Variants in PBX3 observed in about 807,000 individuals in gnomAD.
The protein encoded by PBX3 is PBX homeobox 3.
PBX3 carries 14 observed loss-of-function variants against 48.5 expected under a neutral mutation model. That is an observed-to-expected ratio of 0.29 (90% CI 0.19 to 0.45). The LOEUF (loss-of-function observed/expected upper bound fraction) is 0.45, where lower values mean the gene tolerates loss of function less well. Ranked by LOEUF, PBX3 falls within the 20% of genes least tolerant of loss-of-function variation. PBX3 has a pLI of 1.00. For synonymous variants in PBX3, 210 were observed against 200.3 expected (o/e 1.05, Z -0.41); for missense variants, 386 against 546.7 (o/e 0.71, Z 2.93).
intron 2 of PBX3, among the ~76,000 whole-genome samples, chr9:125,894,501 A>G (rs964303858): frequency 4.6e-5 from 7 of 152,104 alleles, no homozygotes; most frequent in Non-Finnish European, 1.0e-4. Context: ...TTGCTCTAGC[A>G]CAAGACTAGT....
chr9:125,922,245 GAAA>G (rs1242837436), intron 3 of PBX3, among the ~76,000 whole-genome samples: 1 of 152,018 alleles, frequency 6.6e-6, no homozygotes, highest in African/African-American at 2.4e-5. Context: ...TTTTTAAGGA[GAAA>G]GGAAAAAATG....
At chr9:125,922,696 A>G (rs544330556) in intron 3 of PBX3, among the ~76,000 whole-genome samples, 2 of 152,324 alleles carry the variant, frequency 1.3e-5, no homozygotes, top group East Asian at 1.9e-4. Context: ...CTTCCAAACA[A>G]CTGCAATCAT....
chr9:125,949,884 A>T (rs1842154618), intron 5 of PBX3, among the ~76,000 whole-genome samples: 1 of 152,156 alleles, frequency 6.6e-6, no homozygotes, highest in African/African-American at 2.4e-5. Context: ...CTGTGCATTC[A>T]TTCTGGGATG....
chr9:125,966,925 T>C lies in PBX3; in HGVS notation c.*1002T>C, dbSNP rs1434152368. On this transcript the variant is annotated 3_prime_UTR_variant, in exon 9 of 9. Transcript: ENST00000373489. ...ACTCTTTGTTTCCCTTCATAAAATG[T>C]AATGTACATTGTAATCTTTTAAAAG... 6.6e-6 allele frequency: 1 copy of C among 152,658 alleles called. No individual in the cohort carries two copies. Among genetic ancestry groups the C allele is most frequent in the African/African-American group, 2.4e-5 (1 of 41,458 alleles). The allele number at this position is 152,658 out of a possible 1,614,324, so 9.5% of individuals were successfully genotyped here. A position where few individuals can be genotyped will look rare whatever the true frequency, so the allele number is the denominator to read the frequency against.
intron 2 of PBX3, among the ~76,000 whole-genome samples, chr9:125,895,528 T>TAAA (rs1840749669): frequency 6.6e-6 from 1 of 152,042 alleles, no homozygotes; most frequent in Admixed American, 6.6e-5. Context: ...CTGGAGCTTT[T>TAAA]AGCGCTACAA....
At chr9:125,928,808 T>A (rs1230017291) in intron 3 of PBX3, among the ~76,000 whole-genome samples, 3 of 152,200 alleles carry the variant, frequency 2.0e-5, no homozygotes, top group African/African-American at 7.2e-5. Flanking sequence ...ATCTGATCCT[T>A]ATTTTCTGTT....
intron 2 of PBX3, among the ~76,000 whole-genome samples, chr9:125,892,183 A>G (rs1377132126): frequency 6.6e-6 from 1 of 152,168 alleles, no homozygotes; most frequent in Non-Finnish European, 1.5e-5. Context: ...AAGGCCTCCC[A>G]AAGTGCTGGG....
chr9:125,857,631 A>C (rs757069955), intron 2 of PBX3, among the ~76,000 whole-genome samples: 51 of 152,216 alleles, frequency 3.4e-4, no homozygotes, highest in Non-Finnish European at 5.4e-4. Flanking sequence ...TATTCCATTA[A>C]AAGCCACTCC....
chr9:125,782,732 G>A (rs559484750), intron 2 of PBX3, among the ~76,000 whole-genome samples: 9 of 152,216 alleles, frequency 5.9e-5, no homozygotes, highest in South Asian at 2.1e-4. Flanking sequence ...TTCTTGTAGC[G>A]TAGGTAGGTC....
chr9:125,791,117 T>C (rs1837590086), intron 2 of PBX3, among the ~76,000 whole-genome samples: 1 of 152,094 alleles, frequency 6.6e-6, no homozygotes, highest in African/African-American at 2.4e-5. Flanking sequence ...GGATTTGCCA[T>C]TTTGGCCAGG....
intron 5 of PBX3, among the ~76,000 whole-genome samples, chr9:125,939,117 C>T (rs1357017165): frequency 6.6e-6 from 1 of 152,098 alleles, no homozygotes; most frequent in Non-Finnish European, 1.5e-5. Flanking sequence ...TTTATTGTTG[C>T]AGCTTTTTTC....
intron 2 of PBX3, among the ~76,000 whole-genome samples, chr9:125,818,492 G>A (rs1412401960): frequency 1.3e-5 from 2 of 151,554 alleles, no homozygotes; most frequent in East Asian, 2.0e-4. Context: ...GTGCCACCAC[G>A]CCCGGCTAAT....
At chr9:125,942,855 G>A (rs759713587) in intron 5 of PBX3, among the ~76,000 whole-genome samples, 9 of 152,198 alleles carry the variant, frequency 5.9e-5, no homozygotes, top group Non-Finnish European at 1.3e-4. Flanking sequence ...GGATGCTATA[G>A]CATGAAGTAC....
chr9:125,782,341 A>G (rs1042748538), intron 2 of PBX3, among the ~76,000 whole-genome samples: 1 of 151,832 alleles, frequency 6.6e-6, no homozygotes, highest in Admixed American at 6.6e-5. Flanking sequence ...ATTACGTCCC[A>G]CCCCTCCCCT....
intron 2 of PBX3, among the ~76,000 whole-genome samples, chr9:125,802,919 T>C (rs1003715866): frequency 3.3e-5 from 5 of 152,064 alleles, no homozygotes; most frequent in African/African-American, 1.2e-4. Flanking sequence ...CCTCAGGTGA[T>C]CTGCCCGCCT....
intron 2 of PBX3, among the ~76,000 whole-genome samples, chr9:125,878,317 G>A (rs1247259585): frequency 1.3e-5 from 2 of 152,164 alleles, no homozygotes; most frequent in East Asian, 1.9e-4. Context: ...TTGGTATTTC[G>A]AAAGGGGAGG....
At chr9:125,948,183 A>G (rs956686391) in intron 5 of PBX3, among the ~76,000 whole-genome samples, 7 of 152,206 alleles carry the variant, frequency 4.6e-5, no homozygotes, top group Non-Finnish European at 8.8e-5. Context: ...ATGGTTCTGG[A>G]ACTACACTTT....
At chr9:125,937,450 C>T (rs1383949010) in intron 5 of PBX3, among the ~76,000 whole-genome samples, 1 of 151,566 alleles carries the variant, frequency 6.6e-6, no homozygotes, top group Non-Finnish European at 1.5e-5. Context: ...TTAGCAATTG[C>T]TGAGAAAAAG....
At chr9:125,815,332 G>A (rs1210612429) in intron 2 of PBX3, among the ~76,000 whole-genome samples, 2 of 151,838 alleles carry the variant, frequency 1.3e-5, no homozygotes, top group Admixed American at 1.3e-4. Flanking sequence ...TCTCTTTTTT[G>A]TTTTCTTGCT....
Sources: gnomAD v4.1 joint callset for allele counts (sites outside exome capture counted in the v4.1 genomes callset) on GRCh38, gnomAD v4.1.1 for gene constraint, MANE v1.5 for transcripts, NCBI Gene and HGNC (gene_info 2026-07-23, HGNC 2026-07-21) for gene names.